Variants in CERS3 observed in about 807,000 individuals in gnomAD.
CERS3 encodes the protein ceramide synthase 3.
CERS3 carries 33 observed loss-of-function variants against 50.3 expected under a neutral mutation model. The ratio of observed to expected loss-of-function variants is 0.66; its 90% CI spans 0.50 to 0.88. The LOEUF (loss-of-function observed/expected upper bound fraction) is 0.88. CERS3 is among the 40% of genes least tolerant of loss of function. The pLI, the probability that CERS3 is intolerant of heterozygous loss-of-function variation, is 0.00. For synonymous variants in CERS3, 176 were observed against 155.2 expected (o/e 1.13, Z -0.99); for missense variants, 470 against 460.3 (o/e 1.02, Z -0.19).
chr15:100,464,921 C>A (rs1167711391), intron 10 of CERS3, among the ~76,000 whole-genome samples: 1 of 152,060 alleles, frequency 6.6e-6, no homozygotes, highest in Non-Finnish European at 1.5e-5. Context: ...GGGATAAGAT[C>A]CTCAGAAGTA....
chr15:100,437,930 A>G (rs1376628767), intron 11 of CERS3: 1 of 152,118 alleles, frequency 6.6e-6, no homozygotes, highest in African/African-American at 2.4e-5. Context: ...AAGAAGAAAA[A>G]CAAAATATTT....
chr15:100,420,253 C>T (rs909911702), intron 11 of CERS3, among the ~76,000 whole-genome samples: 19 of 146,288 alleles, frequency 1.3e-4, no homozygotes, highest in Admixed American at 3.4e-4. Flanking sequence ...GGGGATATCA[C>T]CACCGATCCC....
chr15:100,512,325 G>T (rs964075419), intron 2 of CERS3, among the ~76,000 whole-genome samples: 5 of 152,192 alleles, frequency 3.3e-5, no homozygotes, highest in Non-Finnish European at 7.3e-5. Context: ...GGGAGGAAAG[G>T]GTTTTGCTTT....
At chr15:100,482,197 G>A (rs1289039982) in intron 5 of CERS3, among the ~76,000 whole-genome samples, 1 of 152,178 alleles carries the variant, frequency 6.6e-6, no homozygotes, top group East Asian at 1.9e-4. Flanking sequence ...TTTCACCTAA[G>A]AGTAAAACTT....
At position 100,401,133 on chromosome 15, in the gene CERS3, T is replaced by C. The variant is rs1414431413; in HGVS notation, c.*1580A>G. The C allele has an allele frequency of 6.6e-6, 1 of 152,276 alleles. No individual in the cohort carries two copies. The highest frequency in any genetic ancestry group is 1.5e-5 in the Non-Finnish European group (1 of 68,068). 9.4% of individuals were successfully genotyped at this position (152,276 alleles called of 1,614,324 possible). The stretch of plus-strand genomic sequence containing the variant: ...TCCAGGGGCCCTGCAGCTGCTCTGC[T>C]TGGGGCTGATTTTCCAGTCCCTACA... On this transcript the variant is annotated 3_prime_UTR_variant, in exon 12 of 12. Transcript: ENST00000679737.
chr15:100,450,505 GATAA>G (rs1171306982), intron 11 of CERS3, among the ~76,000 whole-genome samples: 2 of 148,596 alleles, frequency 1.3e-5, no homozygotes, highest in African/African-American at 5.0e-5. Flanking sequence ...AACTCCATTA[GATAA>G]AAATAAAGAA....
intron 11 of CERS3, among the ~76,000 whole-genome samples, chr15:100,415,698 C>T (rs1302863278): frequency 1.3e-5 from 2 of 152,084 alleles, no homozygotes; most frequent in South Asian, 4.1e-4. Context: ...GAACAGAAAA[C>T]CAAACACTGC....
chr15:100,434,119 G>A (rs996620922), intron 11 of CERS3, among the ~76,000 whole-genome samples: 7 of 152,218 alleles, frequency 4.6e-5, no homozygotes, highest in South Asian at 2.1e-4. Flanking sequence ...TTTGAAAGAC[G>A]TGACCATGTT....
At chr15:100,429,610 AAAG>A (rs1422588157) in intron 11 of CERS3, among the ~76,000 whole-genome samples, 1 of 152,168 alleles carries the variant, frequency 6.6e-6, no homozygotes, top group African/African-American at 2.4e-5. Flanking sequence ...GTACCAGGCA[AAAG>A]AAGTCTGTGT....
At chr15:100,517,788 G>T (rs878697) in intron 2 of CERS3, among the ~76,000 whole-genome samples, 25 of 151,944 alleles carry the variant, frequency 1.6e-4, no homozygotes, top group African/African-American at 4.4e-4. Flanking sequence ...AGTTCTTGGA[G>T]GAGGGTGGGG....
At chr15:100,457,699 T>C (rs2034421687) in intron 10 of CERS3, among the ~76,000 whole-genome samples, 1 of 152,244 alleles carries the variant, frequency 6.6e-6, no homozygotes, top group African/African-American at 2.4e-5. Flanking sequence ...GGTAGAATTG[T>C]GTGCCATCTG....
intron 11 of CERS3, among the ~76,000 whole-genome samples, chr15:100,439,781 G>A (rs2033596472): frequency 5.3e-5 from 8 of 152,172 alleles, no homozygotes. Flanking sequence ...GTGGAAAACA[G>A]AGTACACATG....
chr15:100,422,142 C>G, intron 11 of CERS3, among the ~76,000 whole-genome samples: 1 of 73,220 alleles, frequency 1.4e-5, no homozygotes, highest in Non-Finnish European at 2.8e-5. Context: ...TCAGAGTGAA[C>G]AGGCAACCTA....
At chr15:100,482,214 T>C (rs138437673) in intron 5 of CERS3, among the ~76,000 whole-genome samples, 17 of 152,278 alleles carry the variant, frequency 1.1e-4, no homozygotes, top group Non-Finnish European at 1.8e-4. Flanking sequence ...ACTTCTTTTA[T>C]TTTTTTCCAG....
At chr15:100,419,578 A>G (rs370427625) in intron 11 of CERS3, among the ~76,000 whole-genome samples, 10 of 142,964 alleles carry the variant, frequency 7.0e-5, no homozygotes, top group African/African-American at 2.3e-4. Flanking sequence ...TGCACCAAGC[A>G]GACCTAATAG....
intron 4 of CERS3, among the ~76,000 whole-genome samples, chr15:100,486,785 C>CT (rs1417585982): frequency 6.6e-6 from 1 of 152,206 alleles, no homozygotes; most frequent in African/African-American, 2.4e-5. Flanking sequence ...TCTCTAAGCA[C>CT]TGGTGCCAGG....
intron 11 of CERS3, among the ~76,000 whole-genome samples, chr15:100,435,430 C>T (rs2654602): frequency 0.4 from 61,488 of 152,012 alleles, 12,763 homozygotes; most frequent in East Asian, 0.54. Context: ...ACACAAAAAA[C>T]AGAAACTGGA....
At chr15:100,464,825 G>A (rs911613215) in intron 10 of CERS3, among the ~76,000 whole-genome samples, 4 of 152,190 alleles carry the variant, frequency 2.6e-5, no homozygotes, top group Admixed American at 2.6e-4. Flanking sequence ...AATTTGACCA[G>A]TGTGCTTTTG....
At chr15:100,480,752 A>T (rs898525847) in intron 5 of CERS3, among the ~76,000 whole-genome samples, 1 of 152,362 alleles carries the variant, frequency 6.6e-6, no homozygotes, top group East Asian at 1.9e-4. Flanking sequence ...TATTGCAATT[A>T]TGCTGAAAAT....
Sources: gnomAD v4.1 joint callset for allele counts (sites outside exome capture counted in the v4.1 genomes callset) on GRCh38, gnomAD v4.1.1 for gene constraint, MANE v1.5 for transcripts, NCBI Gene and HGNC (gene_info 2026-07-23, HGNC 2026-07-21) for gene names.